The following TSC22D1 variants were observed in gnomAD, a reference collection of about 807,000 sequenced individuals.
The protein encoded by TSC22D1 is TSC22 domain family protein 1.
Under a neutral mutation model 74.2 loss-of-function variants are expected in TSC22D1, and 9 were observed. The ratio of observed to expected loss-of-function variants is 0.12; its 90% CI spans 0.07 to 0.21. TSC22D1 has a LOEUF of 0.21. Among genes scored for constraint, TSC22D1 ranks in the 10% least tolerant of loss-of-function variants. The probability of loss-of-function intolerance (pLI) is 1.00; values close to 1 mark genes in which losing one functional copy is unlikely to be tolerated. For synonymous variants in TSC22D1, 586 were observed against 492.5 expected, an observed-to-expected ratio of 1.19 and a Z score of -2.51; for missense variants, 1,427 against 1,304.7, an observed-to-expected ratio of 1.09 and a Z score of -1.44.
At chr13:44,463,892 C>T (rs1877127986) in intron 1 of TSC22D1, among the ~76,000 whole-genome samples, 6 of 152,190 alleles carry the variant, frequency 3.9e-5, no homozygotes. Context: ...ATGAAACCCT[C>T]ATGCTGGCCT....
Position 44,574,951 on chromosome 13 carries a change from G to C in TSC22D1, c.1124C>G (p.Ser375Cys), listed in dbSNP as rs776031014. ...ATTAGGAACACTGCTAACAGCAGCA[G>C]AGGAAGAAATAGTACCATTGCCCAT... ...SGMGNGTISSSAAVSSVPNAA... is the reference protein window; with the variant it reads ...SGMGNGTISSCAAVSSVPNAA... Residue 375 changes from serine to cysteine, a missense_variant, in exon 1 of 3, where the codon TCT (serine) becomes TGT (cysteine). Ser to Cys is a moderately radical substitution (Grantham distance 112). Transcript: ENST00000458659. 2 of 1,614,002 alleles carry C rather than the reference G, an allele frequency of 1.2e-6. No homozygotes were observed. The highest frequency in any genetic ancestry group is 1.7e-6 in the Non-Finnish European group (2 of 1,180,034).
chr13:44,576,735 G>A (rs2138279804), upstream of TSC22D1, among the ~76,000 whole-genome samples: 1 of 151,548 alleles, frequency 6.6e-6, no homozygotes, highest in Non-Finnish European at 1.5e-5. Flanking sequence ...CGACGCGGCT[G>A]CGAGCGGGGC....
At chr13:44,493,994 G>A (rs1878841239) in intron 1 of TSC22D1, among the ~76,000 whole-genome samples, 1 of 152,064 alleles carries the variant, frequency 6.6e-6, no homozygotes, top group African/African-American at 2.4e-5. Context: ...ACTTTGGGAG[G>A]GTGAGGAGGG....
intron 1 of TSC22D1, among the ~76,000 whole-genome samples, chr13:44,562,932 C>T (rs1883140937): frequency 6.6e-6 from 1 of 151,888 alleles, no homozygotes; most frequent in South Asian, 2.1e-4. Context: ...ATGGTGAAAC[C>T]CCAACTCTAC....
chr13:44,552,121 A>C (rs948679178), intron 1 of TSC22D1, among the ~76,000 whole-genome samples: 4 of 152,120 alleles, frequency 2.6e-5, no homozygotes, highest in African/African-American at 9.7e-5. Flanking sequence ...TCCCTAATTT[A>C]CCTGTATATC....
intron 1 of TSC22D1, among the ~76,000 whole-genome samples, chr13:44,456,201 T>C (rs999929810): frequency 2.0e-5 from 3 of 152,188 alleles, no homozygotes; most frequent in African/African-American, 4.8e-5. Flanking sequence ...CAGCAAGATT[T>C]ATCGCTAACA....
intron 1 of TSC22D1, among the ~76,000 whole-genome samples, chr13:44,476,719 C>T (rs1210867042): frequency 6.6e-6 from 1 of 152,180 alleles, no homozygotes; most frequent in African/African-American, 2.4e-5. Flanking sequence ...CTGTGTCACT[C>T]AGGCTGGAGT....
At chr13:44,452,950 G>C (rs1876268158) in intron 1 of TSC22D1, 1 of 152,176 alleles carries the variant, frequency 6.6e-6, no homozygotes, top group Non-Finnish European at 1.5e-5. Flanking sequence ...TGAAACTCTT[G>C]TTTTCAAAAT....
intron 1 of TSC22D1, among the ~76,000 whole-genome samples, chr13:44,491,524 A>C (rs1280230732): frequency 1.3e-5 from 2 of 151,208 alleles, no homozygotes; most frequent in Non-Finnish European, 2.9e-5. Flanking sequence ...ACTGCACTCC[A>C]GCCTGGGAGG....
chr13:44,504,507 G>T (rs1309588045), intron 1 of TSC22D1, among the ~76,000 whole-genome samples: 2 of 151,916 alleles, frequency 1.3e-5, no homozygotes, highest in Non-Finnish European at 2.9e-5. Flanking sequence ...GAGAGGCTGA[G>T]GTGGGAGGAT....
chr13:44,503,677 A>C (rs1879315591), intron 1 of TSC22D1, among the ~76,000 whole-genome samples: 1 of 152,188 alleles, frequency 6.6e-6, no homozygotes, highest in Admixed American at 6.5e-5. Flanking sequence ...AAACTTCTTA[A>C]AAGGTTGTAA....
At chr13:44,508,456 ATTG>A (rs954633573) in intron 1 of TSC22D1, among the ~76,000 whole-genome samples, 3 of 152,132 alleles carry the variant, frequency 2.0e-5, no homozygotes, top group African/African-American at 7.2e-5. Flanking sequence ...CACAATATGA[ATTG>A]TTTTTTTAAA....
intron 2 of TSC22D1, chr13:44,435,681 G>C: frequency 6.9e-6 from 2 of 291,274 alleles, no homozygotes; most frequent in South Asian, 6.8e-5. Context: ...CGGCTCCCTA[G>C]TAAAATATTA....
At chr13:44,481,021 A>C (rs1041006373) in intron 1 of TSC22D1, among the ~76,000 whole-genome samples, 1 of 152,326 alleles carries the variant, frequency 6.6e-6, no homozygotes, top group East Asian at 1.9e-4. Flanking sequence ...GAACCTAGGG[A>C]AACACCAACG....
At chr13:44,541,677 G>A (rs1165560311) in intron 1 of TSC22D1, among the ~76,000 whole-genome samples, 1 of 152,072 alleles carries the variant, frequency 6.6e-6, no homozygotes, top group Non-Finnish European at 1.5e-5. Context: ...GTATATGATG[G>A]ATGATAAGAA....
At chr13:44,454,877 G>C (rs961816066) in intron 1 of TSC22D1, among the ~76,000 whole-genome samples, 1 of 152,120 alleles carries the variant, frequency 6.6e-6, no homozygotes, top group African/African-American at 2.4e-5. Context: ...TCATGTTTTA[G>C]TAATCTTCAG....
Position 44,434,413 on chromosome 13 carries a change from G to T in TSC22D1, c.*213C>A. On this transcript the variant is annotated 3_prime_UTR_variant, in exon 3 of 3. Coordinates refer to ENST00000458659, the MANE Select transcript of TSC22D1 (RefSeq NM_183422.4). ...CCCGGTATATCCATGCTAATTCTCG[G>T]ATTAACCTTTAATTCACCCAACTAA... is the stretch of plus-strand genomic sequence containing the variant. The T allele has an allele frequency of 7.4e-7, 1 of 1,355,992 alleles. No homozygotes were observed. The highest frequency in any genetic ancestry group is 9.4e-7 in the Non-Finnish European group (1 of 1,062,562). 84.0% of individuals were successfully genotyped at this position (1,355,992 alleles called of 1,614,324 possible).
intron 1 of TSC22D1, among the ~76,000 whole-genome samples, chr13:44,438,992 T>C (rs1035556524): frequency 6.6e-6 from 1 of 152,214 alleles, no homozygotes; most frequent in Non-Finnish European, 1.5e-5. Flanking sequence ...AAAAAAATTT[T>C]TAAATTCCAA....
rs757728825 is a variant in TSC22D1 at position 44,573,871 on chromosome 13, T to C, written c.2204A>G (p.Gln735Arg). The change falls in exon 1 of 3, where the codon CAA becomes CGA. Residue 735 changes from glutamine (Q) to arginine (R), a missense_variant. Physicochemically the swap from Gln to Arg is conservative, Grantham distance 43 (BLOSUM62 1). Transcript: ENST00000458659. Reference protein sequence around the residue: ...TGSQIANIGQQANIPTAVQQP... With the variant: ...TGSQIANIGQRANIPTAVQQP... ...CTGCACTGCAGTAGGTATGTTTGCT[T>C]GCTGACCAATATTTGCAATCTGACT... is the stretch of plus-strand genomic sequence containing the variant. 5.6e-6 allele frequency: 9 copies of C among 1,614,230 alleles called. No individual in the cohort carries two copies. The highest frequency in any genetic ancestry group is 7.6e-6 in the Non-Finnish European group (9 of 1,180,044).
Sources: gnomAD v4.1 joint callset for allele counts (sites outside exome capture counted in the v4.1 genomes callset) on GRCh38, gnomAD v4.1.1 for gene constraint, MANE v1.5 for transcripts, NCBI Gene and HGNC (gene_info 2026-07-23, HGNC 2026-07-21) for gene names.